The following GPHN variants were observed in gnomAD, a reference collection of about 807,000 sequenced individuals.
GPHN encodes the protein gephyrin.
Under a neutral mutation model 95.5 loss-of-function variants are expected in GPHN, and 17 were observed. The observed-to-expected ratio is 0.18, with a 90% CI of 0.12 to 0.27. The LOEUF is 0.27. GPHN is among the 10% of genes least tolerant of loss of function. The probability of loss-of-function intolerance (pLI) is 1.00; values close to 1 mark genes in which losing one functional copy is unlikely to be tolerated. For missense variants in GPHN, 660 were observed against 978.1 expected (o/e 0.67, Z 4.34); for synonymous variants, 320 against 322.5 (o/e 0.99, Z 0.08).
chr14:67,497,796 T>G, the GPHN span, among the ~76,000 whole-genome samples: 4 of 151,874 alleles, frequency 2.6e-5, no homozygotes, highest in African/African-American at 9.7e-5. Context: ...TCCTGGTATT[T>G]GAGTCACCCA....
chr14:66,533,682 C>T (rs931091337), intron 1 of GPHN, among the ~76,000 whole-genome samples: 8 of 152,146 alleles, frequency 5.3e-5, no homozygotes, highest in Non-Finnish European at 1.5e-5. Context: ...ACCAGAGTGT[C>T]TAGGCTAAAG....
chr14:67,326,941 G>A, the GPHN span, among the ~76,000 whole-genome samples: 8 of 152,042 alleles, frequency 5.3e-5, no homozygotes, highest in South Asian at 1.0e-3. Context: ...TTGGGAGGCC[G>A]AGGCGGGCAG....
At chr14:66,775,271 T>G (rs1442338999) in intron 2 of GPHN, among the ~76,000 whole-genome samples, 1 of 152,132 alleles carries the variant, frequency 6.6e-6, no homozygotes, top group African/African-American at 2.4e-5. Context: ...GATACTCCTT[T>G]TTTTGTTACT....
chr14:67,204,667 T>A, the GPHN span: 3 of 1,613,932 alleles, frequency 1.9e-6, no homozygotes, highest in Non-Finnish European at 2.5e-6. Flanking sequence ...GGACACCTTG[T>A]TTTCTCAATG....
chr14:67,392,268 C>T, the GPHN span: 3 of 1,143,892 alleles, frequency 2.6e-6, no homozygotes, highest in Non-Finnish European at 4.0e-6. Context: ...GGGCTCACTG[C>T]TCCCTCCCCT....
At chr14:67,020,750 ATACTG>A (rs1457743225) in intron 9 of GPHN, among the ~76,000 whole-genome samples, 2 of 152,140 alleles carry the variant, frequency 1.3e-5, no homozygotes, top group East Asian at 3.8e-4. Context: ...TTATTTGTCA[ATACTG>A]TAAAGTCAGA....
intron 8 of GPHN, among the ~76,000 whole-genome samples, chr14:66,960,962 T>A (rs2068861538): frequency 2.0e-5 from 3 of 152,162 alleles, no homozygotes; most frequent in African/African-American, 4.8e-5. Flanking sequence ...CTAATACATT[T>A]GCCTTTAAAT....
chr14:66,964,836 G>A (rs1033200879), intron 8 of GPHN, among the ~76,000 whole-genome samples: 1 of 152,144 alleles, frequency 6.6e-6, no homozygotes, highest in African/African-American at 2.4e-5. Context: ...AAAATGGTTG[G>A]AGACTGATCT....
At chr14:67,198,691 G>A in the GPHN span, among the ~76,000 whole-genome samples, 4 of 152,168 alleles carry the variant, frequency 2.6e-5, no homozygotes, top group Non-Finnish European at 5.9e-5. Flanking sequence ...GGATTACAAT[G>A]AATCTTAACT....
chr14:67,610,662 A>C, the GPHN span, among the ~76,000 whole-genome samples: 2 of 152,150 alleles, frequency 1.3e-5, no homozygotes, highest in Non-Finnish European at 2.9e-5. Context: ...TCAGTAGATC[A>C]AGAGAGGCCC....
intron 1 of GPHN, among the ~76,000 whole-genome samples, chr14:66,606,334 C>T (rs150589241): frequency 6.6e-6 from 1 of 152,040 alleles, no homozygotes; most frequent in Admixed American, 6.5e-5. Flanking sequence ...GTTCTTTGTT[C>T]TGTTCCATTG....
intron 1 of GPHN, among the ~76,000 whole-genome samples, chr14:66,557,663 A>T (rs1041130257): frequency 2.0e-5 from 3 of 152,146 alleles, no homozygotes; most frequent in Admixed American, 2.0e-4. Context: ...CATGAATAAG[A>T]CCAAAGTGTT....
chr14:67,380,762 G>T, the GPHN span: 1 of 1,497,808 alleles, frequency 6.7e-7, no homozygotes, highest in Non-Finnish European at 8.9e-7. Context: ...CAAAATTCGA[G>T]CAGGTAAATG....
In GPHN at chr14:67,181,535, G is replaced by A; in HGVS notation, c.*598G>A. On this transcript the variant is annotated 3_prime_UTR_variant, in exon 23 of 23. Coordinates refer to ENST00000478722, the MANE Select transcript of GPHN (RefSeq NM_020806.5). Reference sequence around the variant, plus strand: ...CCTCACGGCACAGTACTCTTGGGCAGTAACTGGACACCTTTTATTTGAAGA... The same window carrying A: ...CCTCACGGCACAGTACTCTTGGGCAATAACTGGACACCTTTTATTTGAAGA... 2.0e-6 allele frequency: 1 copy of A among 496,758 alleles called. No homozygotes were observed. The highest frequency in any genetic ancestry group is 3.9e-6 in the Non-Finnish European group (1 of 256,296). 30.8% of individuals were successfully genotyped at this position (496,758 alleles called of 1,614,324 possible).
At chr14:67,681,073 A>G in the GPHN span, among the ~76,000 whole-genome samples, 1 of 152,172 alleles carries the variant, frequency 6.6e-6, no homozygotes, top group African/African-American at 2.4e-5. Flanking sequence ...ATTTAGAGAG[A>G]GGGCCTTTAA....
intron 1 of GPHN, among the ~76,000 whole-genome samples, chr14:66,679,744 G>T (rs947698966): frequency 6.6e-6 from 1 of 152,030 alleles, no homozygotes; most frequent in Non-Finnish European, 1.5e-5. Context: ...CTGCTTAATT[G>T]CAGATAGTGT....
the GPHN span, among the ~76,000 whole-genome samples, chr14:67,519,774 G>A: frequency 2.0e-5 from 3 of 151,314 alleles, no homozygotes; most frequent in African/African-American, 7.3e-5. Context: ...CCAGCCTGGA[G>A]TGCAGTGGCA....
chr14:67,434,888 C>T, the GPHN span, among the ~76,000 whole-genome samples: 2 of 151,936 alleles, frequency 1.3e-5, no homozygotes, highest in Admixed American at 6.5e-5. Context: ...CTGCAGAGTC[C>T]TGAGGTGGTG....
At chr14:66,584,340 C>A (rs1002170059) in intron 1 of GPHN, among the ~76,000 whole-genome samples, 5 of 152,140 alleles carry the variant, frequency 3.3e-5, no homozygotes. Context: ...CAAACAGGGA[C>A]AATTTGACTT....
Sources: gnomAD v4.1 joint callset for allele counts (sites outside exome capture counted in the v4.1 genomes callset) on GRCh38, gnomAD v4.1.1 for gene constraint, MANE v1.5 for transcripts, NCBI Gene and HGNC (gene_info 2026-07-23, HGNC 2026-07-21) for gene names.